Variants in TRPV4 observed in about 807,000 individuals in gnomAD.
TRPV4 encodes OSM9-like transient receptor potential channel 4.
A neutral mutation model predicts 84.1 loss-of-function variants in TRPV4; 58 were observed. That is an observed-to-expected ratio of 0.69 (90% CI 0.56 to 0.86). The LOEUF (loss-of-function observed/expected upper bound fraction) is 0.86. TRPV4 is among the 40% of genes least tolerant of loss of function. TRPV4 has a pLI of 0.00. For synonymous variants in TRPV4, 489 were observed against 500.9 expected (o/e 0.98, Z 0.32); for missense variants, 879 against 1,181.1 (o/e 0.74, Z 3.75).
chr12:109,787,187 G>C (rs1345200411), intron 13 of TRPV4, among the ~76,000 whole-genome samples: 1 of 152,220 alleles, frequency 6.6e-6, no homozygotes, highest in East Asian at 1.9e-4. Context: ...TGCCAGGCAG[G>C]AATCCGGACC....
intron 2 of TRPV4, among the ~76,000 whole-genome samples, chr12:109,813,171 G>A (rs1891627951): frequency 6.6e-6 from 1 of 152,206 alleles, no homozygotes; most frequent in South Asian, 2.1e-4. Flanking sequence ...CAGCACTTTG[G>A]GAGGCCAAGG....
At position 109,798,176 on chromosome 12, in the gene TRPV4, G is replaced by T. The variant is rs983950561; in HGVS notation, c.1152+438C>A. Among the ~76,000 whole-genome samples, 1 of 152,202 alleles carries T rather than the reference G, an allele frequency of 6.6e-6. No individual in the cohort carries two copies. Among genetic ancestry groups the T allele is most frequent in the Non-Finnish European group, 1.5e-5 (1 of 68,044 alleles). ...CAATGTCTGGCAATAGCACAAGACG[G>T]TCCCCACCACAAAGAGCCTGCCGCC... On this transcript the variant is annotated intron_variant, in intron 6 of 15. Coordinates refer to ENST00000261740, the MANE Select transcript of TRPV4 (RefSeq NM_021625.5). The surrounding 1 kb of genome is among the most constrained non-coding windows in gnomAD (Gnocchi z 5.0).
chr12:109,823,645 G>A lies in TRPV4; in HGVS notation c.-31-8818C>T, dbSNP rs1352326790. On this transcript the variant is annotated intron_variant, in intron 1 of 15. Coordinates refer to ENST00000261740, the MANE Select transcript of TRPV4 (RefSeq NM_021625.5). The stretch of plus-strand genomic sequence containing the variant: ...AGAAAGCAGATTAGTTGTTGCCAGG[G>A]GCTGGGAGTGGGGAGTGGTGACTGC... 2.0e-5 allele frequency among the ~76,000 whole-genome samples: 3 copies of A among 152,170 alleles called. No individual in the cohort carries two copies. In the East Asian group the frequency reaches 5.8e-4, roughly 29 times the overall value.
intron 1 of TRPV4, among the ~76,000 whole-genome samples, chr12:109,825,792 G>A (rs774722319): frequency 6.6e-6 from 1 of 152,190 alleles, no homozygotes; most frequent in Non-Finnish European, 1.5e-5. Flanking sequence ...GGGGAAGAGG[G>A]CAGGTGCCCG....
At chr12:109,799,816 A>G (rs754360121) in intron 5 of TRPV4, among the ~76,000 whole-genome samples, 1 of 151,916 alleles carries the variant, frequency 6.6e-6, no homozygotes, top group Non-Finnish European at 1.5e-5. Context: ...GCTGGAGTGC[A>G]GTGGTGCAAT....
At chr12:109,795,956 G>A (rs879597185) in intron 7 of TRPV4, among the ~76,000 whole-genome samples, 1 of 150,402 alleles carries the variant, frequency 6.6e-6, no homozygotes, top group African/African-American at 2.5e-5. Flanking sequence ...ACGGGGTTTC[G>A]CCATATTGCC....
chr12:109,798,275 T>G lies in TRPV4; in HGVS notation c.1152+339A>C, dbSNP rs888821664. 6.6e-6 allele frequency among the ~76,000 whole-genome samples: 1 copy of G among 152,146 alleles called. No individual in the cohort carries two copies. The highest frequency in any genetic ancestry group is 2.4e-5 in the African/African-American group (1 of 41,436). On this transcript the variant is annotated intron_variant, in intron 6 of 15. Coordinates refer to ENST00000261740, the MANE Select transcript of TRPV4 (RefSeq NM_021625.5). This position sits in a 1 kb window ranked among gnomAD's most constrained non-coding sequence, Gnocchi z 5.0. Reference sequence around the variant, plus strand: ...GCGCGGCCCAGAAAAGGGAAGGAACTGGGGCAGGGCCATTCAACAGGTTTG... The same window carrying G: ...GCGCGGCCCAGAAAAGGGAAGGAACGGGGGCAGGGCCATTCAACAGGTTTG...
intron 8 of TRPV4, 95 bp downstream of exon 8, chr12:109,794,234 C>G (rs1414974202): frequency 2.0e-6 from 3 of 1,528,926 alleles, no homozygotes; most frequent in African/African-American, 2.7e-5. Context: ...TCCGGGTCCC[C>G]CTACAGGGGA....
intron 12 of TRPV4, among the ~76,000 whole-genome samples, chr12:109,789,046 A>G (rs1219672687): frequency 6.6e-6 from 1 of 152,138 alleles, no homozygotes; most frequent in African/African-American, 2.4e-5. Flanking sequence ...CACTACTGAT[A>G]AGCGTAGGAG....
chr12:109,831,756 T>A (rs1892415463), intron 1 of TRPV4, among the ~76,000 whole-genome samples: 3 of 152,222 alleles, frequency 2.0e-5, no homozygotes, highest in South Asian at 2.1e-4. Flanking sequence ...ACACCCTTTT[T>A]GTTCAGGCAA....
At chr12:109,818,594 C>T (rs1891964222) in intron 1 of TRPV4, among the ~76,000 whole-genome samples, 1 of 152,158 alleles carries the variant, frequency 6.6e-6, no homozygotes, top group South Asian at 2.1e-4. Flanking sequence ...ATTCTCATCT[C>T]TCTGAGCCTC....
chr12:109,806,496 C>G (rs1891139081), intron 3 of TRPV4, among the ~76,000 whole-genome samples: 1 of 151,562 alleles, frequency 6.6e-6, no homozygotes, highest in Admixed American at 6.6e-5. Flanking sequence ...TGAGCCACCG[C>G]ACCCGGCCCC....
Position 109,798,983 on chromosome 12 carries a change from G to A in TRPV4, c.854-71C>T, listed in dbSNP as rs1045470753. ...GGTGGGACTCTGCCTGCAGACACTC[G>A]GGGGACGGACACCGTGGCGCTCTGA... On this transcript the variant is annotated intron_variant, in intron 5 of 15. Coordinates refer to ENST00000261740, the MANE Select transcript of TRPV4 (RefSeq NM_021625.5). The surrounding 1 kb of genome is among the most constrained non-coding windows in gnomAD (Gnocchi z 5.0). 286 of 1,451,186 alleles carry A rather than the reference G, an allele frequency of 2.0e-4. No homozygotes were observed. Among genetic ancestry groups the A allele is most frequent in the Non-Finnish European group, 2.6e-4 (270 of 1,058,768 alleles). The allele number at this position is 1,451,186 out of a possible 1,614,324, so 89.9% of individuals were successfully genotyped here.
rs79065485 is a variant in TRPV4, at chr12:109,818,418, T to C, written c.-31-3591A>G. Among the ~76,000 whole-genome samples, 1,018 of 151,522 alleles carry C rather than the reference T, an allele frequency of 6.7e-3. 12 individuals carry two copies. The highest frequency in any genetic ancestry group is 0.023 in the African/African-American group (962 of 41,272). ...GCCCTGGAGGTAGGTATTGCAATCA[T>C]TCCCATTTTACAGATGAGGAAACTG... On this transcript the variant is annotated intron_variant, in intron 1 of 15. Transcript: ENST00000261740.
rs111947419 is a variant in TRPV4, at chr12:109,798,978, C to T, written c.854-66G>A. 4 of 1,487,336 alleles carry T rather than the reference C, an allele frequency of 2.7e-6. No individual in the cohort carries two copies. 92.1% of individuals were successfully genotyped at this position (1,487,336 alleles called of 1,614,324 possible). On this transcript the variant is annotated intron_variant, in intron 5 of 15. Transcript: ENST00000261740. This position sits in a 1 kb window ranked among gnomAD's most constrained non-coding sequence, Gnocchi z 5.0. ...CCCAGGGTGGGACTCTGCCTGCAGA[C>T]ACTCGGGGGACGGACACCGTGGCGC...
chr12:109,805,508 G>T (rs1222565836), intron 3 of TRPV4, among the ~76,000 whole-genome samples: 1 of 152,188 alleles, frequency 6.6e-6, no homozygotes, highest in Non-Finnish European at 1.5e-5. Flanking sequence ...GTAGCCAGGG[G>T]CTCTAAATTG....
intron 13 of TRPV4, among the ~76,000 whole-genome samples, chr12:109,787,948 T>G (rs901843279): frequency 6.6e-6 from 1 of 152,178 alleles, no homozygotes; most frequent in South Asian, 2.1e-4. Flanking sequence ...CTGTCCCCAT[T>G]GGTTTCTCCT....
intron 13 of TRPV4, 103 bp downstream of exon 13, chr12:109,788,297 C>T: frequency 1.3e-5 from 14 of 1,113,900 alleles, no homozygotes; most frequent in Non-Finnish European, 1.8e-5. Context: ...AATGAGAAGA[C>T]ACTGCTTGCT....
Position 109,798,727 on chromosome 12 carries a change from C to A in TRPV4, c.1039G>T (p.Asp347Tyr), listed in dbSNP as rs1006063188. The A allele has an allele frequency of 2.5e-5, 40 of 1,613,984 alleles. No individual in the cohort carries two copies. Among genetic ancestry groups the A allele is most frequent in the Non-Finnish European group, 3.1e-5 (37 of 1,180,044 alleles). ...ENTKFVTKMY[D>Y]LLLLKCARLF... ...CGGGCACACTTGAGCAGCAGCAGGT[C>A]GTACATCTTGGTAACAAACTTGGTG... Residue 347 changes from aspartate (D) to tyrosine (Y), a missense_variant, in exon 6 of 16, where the codon GAC (aspartate) becomes TAC (tyrosine). By Grantham distance (160) the Asp-to-Tyr change is radical. This residue lies in a region of TRPV4 where 521 missense variants were observed against 686.6 expected (regional missense o/e 0.76). Transcript: ENST00000261740. The surrounding 1 kb of genome is among the most constrained non-coding windows in gnomAD (Gnocchi z 5.0).
Sources: gnomAD v4.1 joint callset for allele counts (sites outside exome capture counted in the v4.1 genomes callset) on GRCh38, gnomAD v4.1.1 for gene constraint, gnomAD v4.1.1 regional missense constraint, Gnocchi (gnomAD v3.1) non-coding constraint, MANE v1.5 for transcripts, NCBI Gene and HGNC (gene_info 2026-07-23, HGNC 2026-07-21) for gene names.